PRKCB: variants seen among roughly 807,000 people sequenced by gnomAD.
PRKCB encodes protein kinase C beta type.
Under a neutral mutation model 81.5 loss-of-function variants are expected in PRKCB, and 13 were observed. The observed-to-expected ratio is 0.16, with a 90% confidence interval of 0.10 to 0.25. PRKCB has a LOEUF of 0.25. Among genes scored for constraint, PRKCB ranks in the 10% least tolerant of loss-of-function variants. The pLI, the probability that PRKCB is intolerant of heterozygous loss-of-function variation, is 1.00. For missense variants in PRKCB, 509 were observed against 875.7 expected, an observed-to-expected ratio of 0.58 and a Z score of 5.29; for synonymous variants, 335 against 321.4, an observed-to-expected ratio of 1.04 and a Z score of -0.45.
At chr16:24,127,056 A>G (rs1334197073) in intron 9 of PRKCB, among the ~76,000 whole-genome samples, 4 of 135,174 alleles carry the variant, frequency 3.0e-5, no homozygotes, top group South Asian at 2.3e-4. Flanking sequence ...CCCAGGCTGG[A>G]GTGCAATGGC....
intron 1 of PRKCB, 119 bp downstream of exon 1, chr16:23,836,467 C>G: frequency 7.2e-7 from 1 of 1,389,716 alleles, no homozygotes. Context: ...CCCGCGTCTC[C>G]GGACTCCCGG....
chr16:23,913,900 C>T (rs1270422843), intron 2 of PRKCB, among the ~76,000 whole-genome samples: 1 of 152,218 alleles, frequency 6.6e-6, no homozygotes. Flanking sequence ...TTAAGCTGTG[C>T]CCCCTGTGTG....
chr16:24,089,897 T>G (rs554595891), intron 5 of PRKCB, among the ~76,000 whole-genome samples: 48 of 152,230 alleles, frequency 3.2e-4, no homozygotes, highest in Non-Finnish European at 6.6e-4. Flanking sequence ...TTGAGTATTT[T>G]TTAAGTTCCA....
chr16:24,043,045 A>C (rs1288367265), intron 5 of PRKCB, among the ~76,000 whole-genome samples: 2 of 152,186 alleles, frequency 1.3e-5, no homozygotes, highest in Admixed American at 6.5e-5. Context: ...TGATGTCTTA[A>C]GTGTACAATG....
Position 23,970,311 on chromosome 16 carries a change from G to A in PRKCB, c.206-18197G>A, listed in dbSNP as rs191983659. ...ATTTGTACATACACTCTGCAAGAGC[G>A]GAAGATGATGCAGCCAGTGGAGTGG... On this transcript the variant is annotated intron_variant, in intron 2 of 16. Coordinates refer to ENST00000643927, the MANE Select transcript of PRKCB (RefSeq NM_002738.7). Among the ~76,000 whole-genome samples, 29 of 152,250 alleles carry A rather than the reference G, an allele frequency of 1.9e-4. No individual in the cohort carries two copies. The East Asian group carries it at 5.0e-3, about 26-fold the overall frequency.
In PRKCB at chr16:24,215,732, C is replaced by T; in HGVS notation, c.*916C>T. On this transcript the variant is annotated 3_prime_UTR_variant, in exon 17 of 17. Coordinates refer to ENST00000643927, the MANE Select transcript of PRKCB (RefSeq NM_002738.7). ...CAAATGTTATTAACCACAATGACGA[C>T]CTGCTTTGATTTAACCAAGAAGACG... 1.0e-6 allele frequency: 1 copy of T among 985,554 alleles called. No individual in the cohort carries two copies. The highest frequency in any genetic ancestry group is 1.2e-6 in the Non-Finnish European group (1 of 829,840). 61.1% of individuals were successfully genotyped at this position (985,554 alleles called of 1,614,324 possible).
At chr16:24,195,143 G>A (rs1296671649) in intron 16 of PRKCB, among the ~76,000 whole-genome samples, 1 of 151,572 alleles carries the variant, frequency 6.6e-6, no homozygotes, top group African/African-American at 2.4e-5. Flanking sequence ...TGAGGCTGCA[G>A]TGAGCCATGA....
chr16:23,952,683 T>C (rs9940479), intron 2 of PRKCB, among the ~76,000 whole-genome samples: 25,385 of 152,212 alleles, frequency 0.17, 2,403 homozygotes, highest in African/African-American at 0.25. Context: ...TGTTTTGTTC[T>C]TGGAGGCTTG....
Position 24,220,445 on chromosome 16 carries a change from C to T in PRKCB, c.*5629C>T, listed in dbSNP as rs1324231295. 2 of 186,328 alleles carry T rather than the reference C, an allele frequency of 1.1e-5. No homozygotes were observed. Among genetic ancestry groups the T allele is most frequent in the African/African-American group, 4.7e-5 (2 of 42,620 alleles). 11.5% of individuals were successfully genotyped at this position (186,328 alleles called of 1,614,324 possible). On this transcript the variant is annotated 3_prime_UTR_variant, in exon 17 of 17. Transcript: ENST00000643927. ...TTTTTCAAGTCAGAAGCTGATGTTC[C>T]TGGTAAAAGTTTTTACAGTTATTCT...
intron 2 of PRKCB, among the ~76,000 whole-genome samples, chr16:23,885,797 G>A (rs1963188993): frequency 6.6e-6 from 1 of 152,188 alleles, no homozygotes. Context: ...GAGGAAGCTG[G>A]CGGGGAAATA....
At chr16:24,108,283 A>AT (rs140308202) in intron 7 of PRKCB, among the ~76,000 whole-genome samples, 16 of 116,306 alleles carry the variant, frequency 1.4e-4, no homozygotes, top group African/African-American at 1.4e-4. Flanking sequence ...TTATTTATTT[A>AT]TTTTTTTTAT....
chr16:24,010,761 A>C (rs1248206938), intron 3 of PRKCB, among the ~76,000 whole-genome samples: 3 of 152,156 alleles, frequency 2.0e-5, no homozygotes, highest in African/African-American at 4.8e-5. Flanking sequence ...ATCATTTTAA[A>C]TATTGCTCAA....
intron 3 of PRKCB, among the ~76,000 whole-genome samples, chr16:24,020,996 CTTTCTTTCTTTCTTTCTTTCTTTCTT>C (rs1965357956): frequency 2.3e-5 from 3 of 132,528 alleles, no homozygotes; most frequent in East Asian, 2.3e-4. Context: ...TTCTTTCTTT[CTTTCTTTCTTTCTTTCTTTCTTTCTT>C]TCTTTCTTTC....
At chr16:23,972,259 G>C (rs975959947) in intron 2 of PRKCB, among the ~76,000 whole-genome samples, 8 of 152,150 alleles carry the variant, frequency 5.3e-5, no homozygotes, top group African/African-American at 1.7e-4. Context: ...CACAGGCTGG[G>C]GGTGTGTACA....
chr16:23,839,386 G>C (rs1962227621), intron 2 of PRKCB, among the ~76,000 whole-genome samples: 1 of 149,112 alleles, frequency 6.7e-6, no homozygotes, highest in African/African-American at 2.5e-5. Context: ...TGATCCTCCT[G>C]CATCAGCCTC....
intron 2 of PRKCB, among the ~76,000 whole-genome samples, chr16:23,920,492 A>G (rs1464851418): frequency 2.0e-5 from 3 of 152,250 alleles, no homozygotes; most frequent in South Asian, 2.1e-4. Flanking sequence ...AACTTTCTTT[A>G]AAAAAGGAAA....
intron 2 of PRKCB, among the ~76,000 whole-genome samples, chr16:23,911,492 C>T (rs1277342733): frequency 1.3e-5 from 2 of 152,010 alleles, no homozygotes; most frequent in Admixed American, 1.3e-4. Flanking sequence ...AATTGCTGGG[C>T]CCTATAAGAG....
chr16:23,908,127 C>A (rs1249838061), intron 2 of PRKCB, among the ~76,000 whole-genome samples: 1 of 151,838 alleles, frequency 6.6e-6, no homozygotes, highest in East Asian at 1.9e-4. Context: ...TCCCTGGGAG[C>A]TGGGGGAAGG....
chr16:23,885,436 G>GTAGC (rs1387229523), intron 2 of PRKCB, among the ~76,000 whole-genome samples: 1 of 152,128 alleles, frequency 6.6e-6, no homozygotes, highest in Non-Finnish European at 1.5e-5. Context: ...AGCCTCCCGA[G>GTAGC]TAGCTGAGGT....
Sources: gnomAD v4.1 joint callset for allele counts (sites outside exome capture counted in the v4.1 genomes callset) on GRCh38, gnomAD v4.1.1 for gene constraint, MANE v1.5 for transcripts, NCBI Gene and HGNC (gene_info 2026-07-23, HGNC 2026-07-21) for gene names.